TAB3: variants seen among roughly 807,000 people sequenced by gnomAD.
The protein encoded by TAB3 is TGF-beta activated kinase 1 (MAP3K7) binding protein 3, also known as TGF-beta-activated kinase 1 and MAP3K7-binding protein 3.
Under a neutral mutation model 48.1 loss-of-function variants are expected in TAB3, and 18 were observed. The observed-to-expected ratio is 0.37, with a 90% CI of 0.26 to 0.55. The LOEUF is 0.55. TAB3 is among the 20% of genes least tolerant of loss of function. TAB3 has a pLI of 0.78. For synonymous variants in TAB3, 185 were observed against 190.2 expected, an observed-to-expected ratio of 0.97 and a Z score of 0.22; for missense variants, 414 against 549.8, an observed-to-expected ratio of 0.75 and a Z score of 2.47.
chrX:30,855,628 C>G, intron 5 of TAB3, 66 bp from the exon 6 acceptor site: 5 of 1,048,749 alleles, frequency 4.8e-6, no homozygotes, highest in Non-Finnish European at 6.4e-6. Flanking sequence ...GGAAGTCAGG[C>G]TTTGCCAGAG....
chrX:30,853,833 C>T (rs1359919016), intron 6 of TAB3, among the ~76,000 whole-genome samples: 1 of 111,543 alleles, frequency 9.0e-6, no homozygotes, highest in Non-Finnish European at 1.9e-5. Flanking sequence ...CGCCACCACA[C>T]CCAGCTAAGT....
chrX:30,841,750 G>A, intron 9 of TAB3, among the ~76,000 whole-genome samples: 1 of 111,743 alleles, frequency 8.9e-6, no homozygotes, highest in African/African-American at 3.3e-5. Context: ...GTTGCTTAAG[G>A]CAAAAAGGAT....
rs745351943 is a variant in TAB3, at chrX:30,855,489, T to C, written c.176A>G (p.His59Arg). The C allele has an allele frequency of 1.7e-6, 2 of 1,210,010 alleles. No homozygotes were observed. Among genetic ancestry groups the C allele is most frequent in the Non-Finnish European group, 1.1e-6 (1 of 894,082 alleles). ...ATTCATCCTATTGTCATCTGGACTA[T>C]GGTATTCCATATATAAGTATTTGCT... The part of the protein sequence containing the change: ...ESSKYLYMEY[H>R]SPDDNRMNRN... Residue 59 changes from histidine (H) to arginine (R), a missense_variant, in exon 6 of 11, where the codon CAT becomes CGT. His to Arg is a conservative substitution (Grantham distance 29). Coordinates refer to ENST00000288422, the MANE Select transcript of TAB3 (RefSeq NM_152787.5).
At position 30,858,604 on chromosome X, in the gene TAB3, G is replaced by C. The variant is rs141707503; in HGVS notation, c.102+883C>G. 9.4e-3 allele frequency among the ~76,000 whole-genome samples: 1,059 copies of C among 112,263 alleles called. 9 individuals are homozygous for C. The highest frequency in any genetic ancestry group is 0.033 in the African/African-American group (1,016 of 30,905). ...CTGCCATAAGGTAGAGTTTGAACAT[G>C]AGTACTGACTGTGTGTGAGGAAGAC... On this transcript the variant is annotated intron_variant, in intron 5 of 10. Coordinates refer to ENST00000288422, the MANE Select transcript of TAB3 (RefSeq NM_152787.5).
intron 8 of TAB3, chrX:30,844,381 T>C (rs1389023937): frequency 3.6e-5 from 4 of 112,214 alleles, no homozygotes. Context: ...AAGATAATTT[T>C]CTGAAAATAA....
chrX:30,833,700 A>G (rs898491562), intron 10 of TAB3, among the ~76,000 whole-genome samples: 3 of 108,909 alleles, frequency 2.8e-5, no homozygotes, highest in African/African-American at 6.7e-5. Context: ...GCGTGGTGGC[A>G]GGCACCTGTA....
chrX:30,877,298 C>A lies in TAB3; in HGVS notation c.-382-5497G>T, dbSNP rs1327567952. Among the ~76,000 whole-genome samples the A allele has an allele frequency of 2.7e-5, 3 of 112,049 alleles. No individual in the cohort carries two copies. The Admixed American group carries it at 2.8e-4, about 11-fold the overall frequency. On this transcript the variant is annotated intron_variant, in intron 1 of 10. Coordinates refer to ENST00000288422, the MANE Select transcript of TAB3 (RefSeq NM_152787.5). ...GGCTCAGACAAATAAAAACAGAGTT[C>A]ATCTCCAGCAAACCCTCACTAAGAA... is the stretch of plus-strand genomic sequence containing the variant.
Position 30,830,911 on chromosome X carries a change from T to TCCCCCC in TAB3, c.*515_*516insGGGGGG, listed in dbSNP as rs1186906607. 1 of 28,124 alleles carries TCCCCCC rather than the reference T, an allele frequency of 3.6e-5. No individual in the cohort carries two copies. The highest frequency in any genetic ancestry group is 7.9e-5 in the Non-Finnish European group (1 of 12,661). 2.3% of individuals were successfully genotyped at this position (28,124 alleles called of 1,213,427 possible). The stretch of plus-strand genomic sequence containing the variant: ...CAATTACAAATACCCTTAATTAATT[T>TCCCCCC]GCCCCCCCCCCCCAAATATTCTAGG... On this transcript the variant is annotated 3_prime_UTR_variant, in exon 11 of 11. Transcript: ENST00000288422.
rs1323313094 is a variant in TAB3, at chrX:30,830,318, C to A, written c.*1109G>T. 8.9e-6 allele frequency: 1 copy of A among 112,318 alleles called. No individual in the cohort carries two copies. The highest frequency in any genetic ancestry group is 3.2e-5 in the African/African-American group (1 of 30,863). The allele number at this position is 112,318 out of a possible 1,213,427, so 9.3% of individuals were successfully genotyped here. ...ACTTTGTCGTTGGCCAACTGTAATT[C>A]CCCTCACACTGGTTTGTTAACATAT... On this transcript the variant is annotated 3_prime_UTR_variant, in exon 11 of 11. Coordinates refer to ENST00000288422, the MANE Select transcript of TAB3 (RefSeq NM_152787.5).
intron 6 of TAB3, among the ~76,000 whole-genome samples, chrX:30,853,333 C>T (rs968944014): frequency 8.9e-6 from 1 of 112,703 alleles, no homozygotes; most frequent in African/African-American, 3.2e-5. Flanking sequence ...ATTAGCTAAT[C>T]CAATAATCTA....
chrX:30,861,315 G>T (rs897872206), intron 4 of TAB3, among the ~76,000 whole-genome samples: 10 of 110,877 alleles, frequency 9.0e-5, no homozygotes, highest in African/African-American at 3.3e-4. Context: ...CATATTCAAA[G>T]AAAAATATAT....
Position 30,830,919 on chromosome X carries a change from C to CCA in TAB3, c.*507_*508insTG, listed in dbSNP as rs1466482339. ...AATACCCTTAATTAATTTGCCCCCC[C>CCA]CCCCCAAATATTCTAGGTGCTTTTT... On this transcript the variant is annotated 3_prime_UTR_variant, in exon 11 of 11. Coordinates refer to ENST00000288422, the MANE Select transcript of TAB3 (RefSeq NM_152787.5). 1.2e-5 allele frequency: 1 copy of CCA among 81,496 alleles called. No homozygotes were observed. The highest frequency in any genetic ancestry group is 2.5e-5 in the Non-Finnish European group (1 of 39,749). The allele number at this position is 81,496 out of a possible 1,213,427, so 6.7% of individuals were successfully genotyped here. A position where few individuals can be genotyped will look rare whatever the true frequency, so the allele number is the denominator to read the frequency against.
Position 30,855,158 on chromosome X carries a change from C to T in TAB3, c.507G>A (p.Pro169=), listed in dbSNP as rs750018470. 2.3e-5 allele frequency: 28 copies of T among 1,209,482 alleles called. No individual in the cohort carries two copies. The highest frequency in any genetic ancestry group is 1.4e-4 in the South Asian group (8 of 56,738). The change falls in exon 6 of 11, where the codon CCG becomes CCA. Residue 169 remains proline (P), a synonymous_variant. Coordinates refer to ENST00000288422, the MANE Select transcript of TAB3 (RefSeq NM_152787.5). ...GTGGTGAAGGCCCTTGCATAGCAGA[C>T]GGATTCATTCCTGTTTGCATGGAAG... is the stretch of plus-strand genomic sequence containing the variant. ...QPSSMQTGMN[P]SAMQGPSPPP...
At chrX:30,833,265 G>A (rs372423618) in intron 10 of TAB3, among the ~76,000 whole-genome samples, 29 of 109,501 alleles carry the variant, frequency 2.6e-4, no homozygotes, top group Admixed American at 5.8e-4. Flanking sequence ...CACCGCACCC[G>A]GCCTACTATG....
At chrX:30,837,229 A>G (rs959835207) in intron 9 of TAB3, among the ~76,000 whole-genome samples, 5 of 109,051 alleles carry the variant, frequency 4.6e-5, no homozygotes, top group African/African-American at 1.7e-4. Context: ...TGGTATCTTT[A>G]GTAGACACGG....
At chrX:30,847,439 A>G (rs1399149297) in intron 7 of TAB3, among the ~76,000 whole-genome samples, 2 of 108,466 alleles carry the variant, frequency 1.8e-5, no homozygotes, top group African/African-American at 6.7e-5. Flanking sequence ...TCTATTCAGT[A>G]AAGCTTTTTG....
chrX:30,836,003 T>C, intron 9 of TAB3: 1 of 112,337 alleles, frequency 8.9e-6, no homozygotes, highest in East Asian at 2.8e-4. Flanking sequence ...CTAAACTATA[T>C]GTACTTTTAG....
At chrX:30,867,411 A>G (rs183772428) in intron 3 of TAB3, 54 bp downstream of exon 3, 1 of 111,694 alleles carries the variant, frequency 9.0e-6, no homozygotes, top group African/African-American at 3.3e-5. Context: ...ATTTTTCTGT[A>G]AAACTAAAAC....
chrX:30,877,558 G>A (rs767161624), intron 1 of TAB3, among the ~76,000 whole-genome samples: 4 of 112,366 alleles, frequency 3.6e-5, no homozygotes, highest in South Asian at 7.4e-4. Flanking sequence ...TAGGAGGAAG[G>A]TAGAAGTATC....
Sources: allele counts gnomAD v4.1 joint callset (sites outside exome capture counted in the v4.1 genomes callset), GRCh38; gene constraint gnomAD v4.1.1; transcripts MANE v1.5; gene names NCBI Gene and HGNC (gene_info 2026-07-23, HGNC 2026-07-21).